The following CSMD1 variants were observed in gnomAD, a reference collection of about 807,000 sequenced individuals.
The protein encoded by CSMD1 is CUB and Sushi multiple domains 1.
In CSMD1, 213 loss-of-function variants were observed where a neutral mutation model predicts 417.5. The ratio of observed to expected loss-of-function variants is 0.51; its 90% CI spans 0.46 to 0.57. The LOEUF is 0.57. Among genes scored for constraint, CSMD1 ranks in the 20% least tolerant of loss-of-function variants. The probability of loss-of-function intolerance (pLI) is 0.00; values close to 1 mark genes in which losing one functional copy is unlikely to be tolerated. For synonymous variants in CSMD1, 2,862 were observed against 1,736.8 expected (o/e 1.65, Z -16.11); for missense variants, 6,923 against 4,529.7 (o/e 1.53, Z -15.17).
chr8:3,312,133 T>C (rs1363636925), intron 23 of CSMD1, among the ~76,000 whole-genome samples: 2 of 152,220 alleles, frequency 1.3e-5, no homozygotes, highest in Non-Finnish European at 2.9e-5. Flanking sequence ...GATGTATCCA[T>C]TAAAATGTCT....
intron 1 of CSMD1, among the ~76,000 whole-genome samples, chr8:4,661,996 T>G (rs1320168189): frequency 2.0e-5 from 3 of 152,170 alleles, no homozygotes; most frequent in Non-Finnish European, 4.4e-5. Context: ...TTTGCTCTAT[T>G]AGCAATGTTT....
intron 23 of CSMD1, 45 bp downstream of exon 23, chr8:3,343,249 C>T (rs1379012378): frequency 1.3e-6 from 2 of 1,550,700 alleles, no homozygotes; most frequent in East Asian, 4.5e-5. Flanking sequence ...CAGATATGTC[C>T]TGACAAAATG....
intron 3 of CSMD1, among the ~76,000 whole-genome samples, chr8:4,401,504 A>G (rs929944674): frequency 6.6e-6 from 1 of 152,034 alleles, no homozygotes; most frequent in African/African-American, 2.4e-5. Context: ...AGAGAGGAGA[A>G]CCTCCCAGGT....
intron 3 of CSMD1, among the ~76,000 whole-genome samples, chr8:4,233,338 A>G (rs1489909852): frequency 6.6e-6 from 1 of 152,222 alleles, no homozygotes; most frequent in Non-Finnish European, 1.5e-5. Context: ...TCATTGACAT[A>G]TTAAAAGTAC....
intron 3 of CSMD1, among the ~76,000 whole-genome samples, chr8:4,228,761 G>C (rs893649375): frequency 6.6e-6 from 1 of 152,042 alleles, no homozygotes; most frequent in African/African-American, 2.4e-5. Flanking sequence ...TTAGCTCAAT[G>C]CAACCTCTGC....
chr8:3,412,955 A>G (rs541549027), intron 12 of CSMD1, among the ~76,000 whole-genome samples: 5 of 152,308 alleles, frequency 3.3e-5, no homozygotes, highest in Admixed American at 3.3e-4. Flanking sequence ...GGGTCCTGGC[A>G]TAGCACAAAT....
intron 3 of CSMD1, among the ~76,000 whole-genome samples, chr8:4,252,918 G>A (rs1192509269): frequency 6.6e-6 from 1 of 152,158 alleles, no homozygotes; most frequent in South Asian, 2.1e-4. Context: ...TTAAGTGGCT[G>A]GACCCATGGC....
chr8:4,085,718 C>G (rs1252994379), intron 3 of CSMD1, among the ~76,000 whole-genome samples: 1 of 152,132 alleles, frequency 6.6e-6, no homozygotes, highest in Non-Finnish European at 1.5e-5. Context: ...ATAAAACATT[C>G]TGGAAATGAC....
intron 5 of CSMD1, among the ~76,000 whole-genome samples, chr8:3,997,664 A>G (rs1463538249): frequency 6.6e-6 from 1 of 152,198 alleles, no homozygotes; most frequent in South Asian, 2.1e-4. Context: ...TGACAGCACT[A>G]CAAGTTCAAG....
chr8:4,197,698 G>T (rs1286008684), intron 3 of CSMD1, among the ~76,000 whole-genome samples: 1 of 152,304 alleles, frequency 6.6e-6, no homozygotes, highest in African/African-American at 2.4e-5. Context: ...GGCCAACATA[G>T]TGAAGCTCTG....
chr8:3,343,906 A>G (rs1445775227), intron 22 of CSMD1, among the ~76,000 whole-genome samples: 3 of 152,162 alleles, frequency 2.0e-5, no homozygotes. Flanking sequence ...TGAATGCACT[A>G]AAGGACAACA....
At chr8:4,049,394 A>T (rs143961090) in intron 3 of CSMD1, among the ~76,000 whole-genome samples, 1,778 of 151,804 alleles carry the variant, frequency 0.012, 27 homozygotes, top group African/African-American at 0.041. Context: ...GACATTGCCA[A>T]ACGTCATCTG....
intron 2 of CSMD1, among the ~76,000 whole-genome samples, chr8:4,590,866 A>G (rs1285742870): frequency 6.6e-6 from 1 of 152,196 alleles, no homozygotes; most frequent in Non-Finnish European, 1.5e-5. Flanking sequence ...ATAATGACTA[A>G]TCTTTACTTG....
intron 1 of CSMD1, among the ~76,000 whole-genome samples, chr8:4,824,347 G>C (rs10156221): frequency 6.6e-6 from 1 of 152,058 alleles, no homozygotes; most frequent in Admixed American, 6.6e-5. Context: ...GATAGTGGAT[G>C]AAAGTCTGAA....
chr8:4,552,437 A>G (rs1797915306), intron 2 of CSMD1, among the ~76,000 whole-genome samples: 1 of 152,136 alleles, frequency 6.6e-6, no homozygotes, highest in African/African-American at 2.4e-5. Context: ...TATTGGTTCA[A>G]CAATGTGAAG....
At chr8:3,420,769 C>G (rs270082) in intron 12 of CSMD1, among the ~76,000 whole-genome samples, 36,135 of 152,038 alleles carry the variant, frequency 0.24, 4,496 homozygotes, top group Non-Finnish European at 0.29. Flanking sequence ...AGACTTTGAA[C>G]ATTCTATTAC....
At chr8:4,769,475 T>G (rs1056407812) in intron 1 of CSMD1, among the ~76,000 whole-genome samples, 1 of 152,222 alleles carries the variant, frequency 6.6e-6, no homozygotes, top group African/African-American at 2.4e-5. Context: ...GATAAATACC[T>G]ATGTATTAAT....
intron 3 of CSMD1, among the ~76,000 whole-genome samples, chr8:4,153,284 T>C (rs1796665632): frequency 1.3e-5 from 2 of 152,186 alleles, no homozygotes; most frequent in African/African-American, 4.8e-5. Flanking sequence ...GTGTCCAAGT[T>C]TGACTCAGTT....
At chr8:3,658,637 G>T (rs1031034898) in intron 7 of CSMD1, among the ~76,000 whole-genome samples, 1 of 151,842 alleles carries the variant, frequency 6.6e-6, no homozygotes, top group South Asian at 2.1e-4. Context: ...ACAAAAATCA[G>T]TTGGGCGTGG....
Sources: gnomAD v4.1 joint callset for allele counts (sites outside exome capture counted in the v4.1 genomes callset) on GRCh38, gnomAD v4.1.1 for gene constraint, MANE v1.5 for transcripts, NCBI Gene and HGNC (gene_info 2026-07-23, HGNC 2026-07-21) for gene names.